Variants in RSRC1 observed in about 807,000 individuals in gnomAD.
RSRC1 encodes arginine and serine rich coiled-coil 1.
A neutral mutation model predicts 49.1 loss-of-function variants in RSRC1; 39 were observed. That is an observed-to-expected ratio of 0.79 (90% CI 0.61 to 1.04). The LOEUF is 1.04. RSRC1 is among the 50% of genes least tolerant of loss of function. RSRC1 has a pLI of 0.00. For missense variants in RSRC1, 388 were observed against 402.4 expected, an observed-to-expected ratio of 0.96 and a Z score of 0.31; for synonymous variants, 143 against 130.8, an observed-to-expected ratio of 1.09 and a Z score of -0.63.
chr3:158,241,185 C>A (rs1016132459), intron 4 of RSRC1, among the ~76,000 whole-genome samples: 3 of 152,194 alleles, frequency 2.0e-5, no homozygotes, highest in East Asian at 3.9e-4. Flanking sequence ...CGGTGGCTCA[C>A]GCCGGTAATC....
At chr3:158,407,771 A>G (rs772738808) in intron 6 of RSRC1, among the ~76,000 whole-genome samples, 39 of 152,328 alleles carry the variant, frequency 2.6e-4, no homozygotes, top group Admixed American at 4.6e-4. Flanking sequence ...GAAAATCCTG[A>G]GTACTTCTTT....
At chr3:158,144,549 G>A (rs924532658) in intron 3 of RSRC1, among the ~76,000 whole-genome samples, 2 of 152,142 alleles carry the variant, frequency 1.3e-5, no homozygotes, top group African/African-American at 4.8e-5. Context: ...GGACATTTGG[G>A]TTGGTTCCAA....
intron 6 of RSRC1, among the ~76,000 whole-genome samples, chr3:158,430,272 G>A (rs994393159): frequency 4.6e-5 from 7 of 151,758 alleles, no homozygotes; most frequent in African/African-American, 1.7e-4. Flanking sequence ...AAGCAGCGAT[G>A]GCAGTCATCT....
chr3:158,114,639 A>G (rs1230666373), intron 1 of RSRC1, among the ~76,000 whole-genome samples: 1 of 152,124 alleles, frequency 6.6e-6, no homozygotes, highest in East Asian at 1.9e-4. Context: ...TGAGCATGGA[A>G]CGTTTTTCCA....
intron 6 of RSRC1, among the ~76,000 whole-genome samples, chr3:158,375,989 CACT>C (rs1732337800): frequency 7.8e-6 from 1 of 128,426 alleles, no homozygotes; most frequent in African/African-American, 5.3e-5. Flanking sequence ...GGTGACTCTC[CACT>C]GATTTCTGAA....
chr3:158,214,620 T>C (rs1049626901), intron 4 of RSRC1, among the ~76,000 whole-genome samples: 1 of 151,828 alleles, frequency 6.6e-6, no homozygotes, highest in African/African-American at 2.4e-5. Context: ...TCTCATATGT[T>C]GTGTTTTTAT....
chr3:158,184,038 A>G (rs918230975), intron 3 of RSRC1, among the ~76,000 whole-genome samples: 8 of 152,172 alleles, frequency 5.3e-5, no homozygotes, highest in East Asian at 1.9e-4. Flanking sequence ...TATAAAATCA[A>G]TTATTTATAC....
chr3:158,500,271 A>G (rs946294958), intron 7 of RSRC1, among the ~76,000 whole-genome samples: 4 of 152,188 alleles, frequency 2.6e-5, no homozygotes, highest in African/African-American at 9.6e-5. Flanking sequence ...GTGAGCTGGT[A>G]TTTTGTTAAG....
chr3:158,143,937 T>G (rs1022349976), intron 3 of RSRC1, among the ~76,000 whole-genome samples: 4 of 152,224 alleles, frequency 2.6e-5, no homozygotes, highest in Admixed American at 1.3e-4. Flanking sequence ...AAAATATGAC[T>G]GAATTGGTGT....
At chr3:158,518,124 G>GTA (rs1407147567) in intron 7 of RSRC1, among the ~76,000 whole-genome samples, 11 of 53,192 alleles carry the variant, frequency 2.1e-4, no homozygotes, top group Admixed American at 2.5e-4. Context: ...GTGTGTGTGT[G>GTA]TGTATATATA....
chr3:158,374,897 C>T (rs1168341135), intron 6 of RSRC1, among the ~76,000 whole-genome samples: 1 of 151,978 alleles, frequency 6.6e-6, no homozygotes. Context: ...CTTCATGTGA[C>T]AGTAGTAGAT....
intron 3 of RSRC1, among the ~76,000 whole-genome samples, chr3:158,128,271 G>A (rs1352176056): frequency 6.6e-6 from 1 of 152,194 alleles, no homozygotes; most frequent in East Asian, 1.9e-4. Flanking sequence ...GCTGAATGGA[G>A]ATTTGCTGGC....
intron 4 of RSRC1, among the ~76,000 whole-genome samples, chr3:158,238,753 CTA>C (rs1425146584): frequency 1.3e-5 from 2 of 152,166 alleles, no homozygotes; most frequent in African/African-American, 4.8e-5. Flanking sequence ...AGACCTGAAA[CTA>C]TGAAAACCCT....
At chr3:158,277,891 A>G (rs149254609) in intron 4 of RSRC1, among the ~76,000 whole-genome samples, 46 of 152,248 alleles carry the variant, frequency 3.0e-4, no homozygotes, top group African/African-American at 1.1e-3. Flanking sequence ...GACTGAAGCA[A>G]TCCTCTCACT....
At chr3:158,166,536 A>C (rs1718550798) in intron 3 of RSRC1, among the ~76,000 whole-genome samples, 1 of 152,208 alleles carries the variant, frequency 6.6e-6, no homozygotes, top group Non-Finnish European at 1.5e-5. Flanking sequence ...CCTTAATGTT[A>C]ATGCTTAAGG....
At chr3:158,388,001 G>A (rs1733054555) in intron 6 of RSRC1, among the ~76,000 whole-genome samples, 1 of 152,034 alleles carries the variant, frequency 6.6e-6, no homozygotes, top group Admixed American at 6.5e-5. Context: ...AAGAAAGTTG[G>A]TTTAATGTAC....
chr3:158,471,642 C>T (rs1738138634), intron 7 of RSRC1, among the ~76,000 whole-genome samples: 1 of 152,164 alleles, frequency 6.6e-6, no homozygotes, highest in African/African-American at 2.4e-5. Context: ...ACTCAGATGC[C>T]TACCATGTAT....
chr3:158,361,419 C>A (rs528001394), intron 6 of RSRC1, among the ~76,000 whole-genome samples: 1 of 152,156 alleles, frequency 6.6e-6, no homozygotes, highest in Non-Finnish European at 1.5e-5. Context: ...GGGTCTCAAC[C>A]AGCCATAGGA....
At chr3:158,388,628 T>TTTTA (rs1162371742) in intron 6 of RSRC1, among the ~76,000 whole-genome samples, 1 of 145,234 alleles carries the variant, frequency 6.9e-6, no homozygotes, top group African/African-American at 2.6e-5. Flanking sequence ...TTTTTTTTTT[T>TTTTA]GAGACTGAGT....
Sources: allele counts gnomAD v4.1 joint callset (sites outside exome capture counted in the v4.1 genomes callset), GRCh38; gene constraint gnomAD v4.1.1; transcripts MANE v1.5; gene names NCBI Gene and HGNC (gene_info 2026-07-23, HGNC 2026-07-21).